The following RGS9 variants were observed in gnomAD, a reference collection of about 807,000 sequenced individuals.
The protein encoded by RGS9 is regulator of G protein signaling 9.
RGS9 carries 78 observed loss-of-function variants against 102.0 expected under a neutral mutation model. The ratio of observed to expected loss-of-function variants is 0.76; its 90% CI spans 0.64 to 0.92. The LOEUF (loss-of-function observed/expected upper bound fraction) is 0.92. Ranked by LOEUF, RGS9 falls within the 40% of genes least tolerant of loss-of-function variation. The pLI is 0.00. For missense variants in RGS9, 833 were observed against 866.1 expected (o/e 0.96, Z 0.48); for synonymous variants, 353 against 318.6 (o/e 1.11, Z -1.15).
intron 1 of RGS9, among the ~76,000 whole-genome samples, chr17:65,149,134 T>G (rs938222373): frequency 7.3e-5 from 9 of 123,324 alleles, no homozygotes; most frequent in African/African-American, 2.6e-4. Context: ...GCTAGTTTTT[T>G]TTTTGTTGTT....
intron 12 of RGS9, among the ~76,000 whole-genome samples, chr17:65,196,440 G>T (rs1471706346): frequency 6.6e-6 from 1 of 152,236 alleles, no homozygotes; most frequent in Non-Finnish European, 1.5e-5. Context: ...GGATAGGAGA[G>T]AACACTGAGT....
intron 1 of RGS9, among the ~76,000 whole-genome samples, chr17:65,148,662 C>T (rs1360995853): frequency 1.3e-5 from 2 of 152,162 alleles, no homozygotes; most frequent in African/African-American, 4.8e-5. Context: ...TTGGCCCTCT[C>T]TGCACTTTTT....
In RGS9 at chr17:65,217,568, AGAGT is replaced by A. The variant is rs766008207; in HGVS notation, c.1407+6967_1407+6970del. On this transcript the variant is annotated intron_variant, in intron 17 of 18. Transcript: ENST00000262406. ...AAAGGAGAAGATGTTGGAAGTAAGG[AGAGT>A]GAGCTGTGTGTGTAGATTACCATTT... Among the ~76,000 whole-genome samples the A allele has an allele frequency of 3.1e-3, 473 of 152,290 alleles. 1 individual carries two copies. The highest frequency in any genetic ancestry group is 0.01 in the Middle Eastern group (3 of 294).
intron 6 of RGS9, among the ~76,000 whole-genome samples, chr17:65,161,596 T>C (rs1463880143): frequency 6.6e-6 from 1 of 151,964 alleles, no homozygotes; most frequent in Non-Finnish European, 1.5e-5. Context: ...TGTATAGACT[T>C]TTGTTTTAGG....
intron 11 of RGS9, among the ~76,000 whole-genome samples, chr17:65,191,120 A>T (rs1912349487): frequency 1.3e-5 from 2 of 152,200 alleles, no homozygotes. Flanking sequence ...CTAAGCCCTG[A>T]TCCCAGCTGA....
In RGS9 at chr17:65,173,408, G is replaced by A. The variant is rs1335369205; in HGVS notation, c.583-4324G>A. ...AGAAGTGTCCGTCAGCTCCACGCTG[G>A]CCTTGCTCTGTATGTGGGTTCCTGG... On this transcript the variant is annotated intron_variant, in intron 8 of 18. Coordinates refer to ENST00000262406, the MANE Select transcript of RGS9 (RefSeq NM_003835.4). This position sits in a 1 kb window ranked among gnomAD's most constrained non-coding sequence, Gnocchi z 4.8. Among the ~76,000 whole-genome samples, 1 of 152,064 alleles carries A rather than the reference G, an allele frequency of 6.6e-6. No individual in the cohort carries two copies. The highest frequency in any genetic ancestry group is 6.6e-5 in the Admixed American group (1 of 15,258).
At chr17:65,138,360 T>A (rs1909994704) in intron 1 of RGS9, among the ~76,000 whole-genome samples, 1 of 152,170 alleles carries the variant, frequency 6.6e-6, no homozygotes, top group African/African-American at 2.4e-5. Context: ...TTTCACAGCG[T>A]AGTGTCCATC....
intron 9 of RGS9, among the ~76,000 whole-genome samples, chr17:65,183,742 C>A (rs967051412): frequency 7.9e-5 from 12 of 152,138 alleles, no homozygotes; most frequent in African/African-American, 2.9e-4. Flanking sequence ...GCTTGCTTGG[C>A]CCCCCACCTG....
At position 65,137,430 on chromosome 17, in the gene RGS9, C is replaced by A. The variant is rs973501504; in HGVS notation, c.-111C>A. 2.7e-6 allele frequency: 3 copies of A among 1,107,422 alleles called. No individual in the cohort carries two copies. In the East Asian group the frequency reaches 7.1e-5, roughly 26 times the overall value. 68.6% of individuals were successfully genotyped at this position (1,107,422 alleles called of 1,614,324 possible). A position where few individuals can be genotyped will look rare whatever the true frequency, so the allele number is the denominator to read the frequency against. On this transcript the variant is annotated 5_prime_UTR_variant, in exon 1 of 19. Coordinates refer to ENST00000262406, the MANE Select transcript of RGS9 (RefSeq NM_003835.4). ...GCCCGCGCCCTCCCCGCCCAGCCGC[C>A]TCCCCGTCGACGCCCAGGGCTGGGG...
Position 65,159,491 on chromosome 17 carries a change from C to T in RGS9, c.206-742C>T, listed in dbSNP as rs149017004. Among the ~76,000 whole-genome samples, 348 of 152,154 alleles carry T rather than the reference C, an allele frequency of 2.3e-3. 2 individuals carry two copies. Among genetic ancestry groups the T allele is most frequent in the African/African-American group, 7.5e-3 (311 of 41,490 alleles). On this transcript the variant is annotated intron_variant, in intron 3 of 18. Transcript: ENST00000262406. ...GGGAGCGAGACCTGGAGAGGGAGGG[C>T]TGGGGAGGAAGTCTTCCCACACCTT...
At chr17:65,148,753 G>A (rs774219528) in intron 1 of RGS9, among the ~76,000 whole-genome samples, 1 of 152,056 alleles carries the variant, frequency 6.6e-6, no homozygotes, top group African/African-American at 2.4e-5. Context: ...TCCCTGTGTT[G>A]CCCAGGCTGG....
chr17:65,147,403 A>G (rs1372940045), intron 1 of RGS9, among the ~76,000 whole-genome samples: 1 of 151,928 alleles, frequency 6.6e-6, no homozygotes, highest in East Asian at 1.9e-4. Context: ...AAAGATTGAA[A>G]TAGGGAATCT....
intron 1 of RGS9, among the ~76,000 whole-genome samples, chr17:65,142,114 T>C (rs1239903266): frequency 6.6e-6 from 1 of 152,182 alleles, no homozygotes; most frequent in African/African-American, 2.4e-5. Context: ...CATGCTGGCA[T>C]GCGCCTGTAA....
In RGS9 at chr17:65,193,540, C is replaced by T; in HGVS notation, c.747-3C>T. ...AGGAAATCATTTTCTGTTTCCTTTT[C>T]AGGATTGTGAAATACAGTGAGCAGT... On this transcript the variant is annotated splice_region_variant and splice_polypyrimidine_tract_variant and intron_variant, in intron 11 of 18. Coordinates refer to ENST00000262406, the MANE Select transcript of RGS9 (RefSeq NM_003835.4). The T allele has an allele frequency of 1.3e-6, 2 of 1,594,538 alleles. No homozygotes were observed. Among genetic ancestry groups the T allele is most frequent in the Non-Finnish European group, 1.7e-6 (2 of 1,162,254 alleles).
rs942288958 is a variant in RGS9, at chr17:65,225,138, G to C, written c.1544G>C (p.Arg515Pro). 3 of 1,613,508 alleles carry C rather than the reference G, an allele frequency of 1.9e-6. No homozygotes were observed. Among genetic ancestry groups the C allele is most frequent in the Non-Finnish European group, 2.5e-6 (3 of 1,180,022 alleles). The change falls in exon 18 of 19, where the codon CGG becomes CCG. Residue 515 changes from arginine (R) to proline (P), a missense_variant. Arg to Pro is a moderately radical substitution (Grantham distance 103). Coordinates refer to ENST00000262406, the MANE Select transcript of RGS9 (RefSeq NM_003835.4). ...TTCGCCTCACCCAGCCGCTTCATCC[G>C]GCGACCCAGCACCACCATCTGCCCC... ...KPFASPSRFI[R>P]RPSTTICPSP...
rs932860426 is a variant in RGS9 at position 65,210,091 on chromosome 17, C to A, written c.1290-397C>A. ...AGACTCTGTCCCCGCTGCCCACCCC[C>A]CAACCGCCCCAAAAAAGAAAAGAAA... On this transcript the variant is annotated intron_variant, in intron 16 of 18. Coordinates refer to ENST00000262406, the MANE Select transcript of RGS9 (RefSeq NM_003835.4). Among the ~76,000 whole-genome samples the A allele has an allele frequency of 4.6e-5, 7 of 152,070 alleles. No homozygotes were observed. The East Asian group carries it at 1.2e-3, about 25-fold the overall frequency.
intron 12 of RGS9, 28 bp downstream of exon 12, chr17:65,193,684 T>C (rs750315436): frequency 7.0e-7 from 1 of 1,418,956 alleles, no homozygotes; most frequent in South Asian, 1.1e-5. Flanking sequence ...TGGTGTTTTT[T>C]AAAAAACCGT....
intron 1 of RGS9, among the ~76,000 whole-genome samples, chr17:65,147,014 G>T (rs1598557088): frequency 6.6e-6 from 1 of 152,098 alleles, no homozygotes; most frequent in East Asian, 1.9e-4. Flanking sequence ...AGTTCCCTGG[G>T]CCACCCCCAG....
chr17:65,192,107 G>C (rs1324686245), intron 11 of RGS9, among the ~76,000 whole-genome samples: 1 of 152,192 alleles, frequency 6.6e-6, no homozygotes, highest in Non-Finnish European at 1.5e-5. Context: ...TACATGTTTA[G>C]GGGGTACATA....
Sources: gnomAD v4.1 joint callset for allele counts (sites outside exome capture counted in the v4.1 genomes callset) on GRCh38, gnomAD v4.1.1 for gene constraint, Gnocchi (gnomAD v3.1) non-coding constraint, MANE v1.5 for transcripts, NCBI Gene and HGNC (gene_info 2026-07-23, HGNC 2026-07-21) for gene names.